The following SERGEF variants were observed in gnomAD, a reference collection of about 807,000 sequenced individuals.
SERGEF encodes secretion regulating guanine nucleotide exchange factor, also known as secretion-regulating guanine nucleotide exchange factor.
In SERGEF, 51 loss-of-function variants were observed where a neutral mutation model predicts 50.0. That is an observed-to-expected ratio of 1.02 (90% CI 0.81 to 1.29). SERGEF has a LOEUF of 1.29. Ranked by LOEUF, SERGEF falls within the 50% of genes most tolerant of loss-of-function variation. The pLI is 0.00. For missense variants in SERGEF, 521 were observed against 557.0 expected, an observed-to-expected ratio of 0.94 and a Z score of 0.65; for synonymous variants, 205 against 212.4, an observed-to-expected ratio of 0.97 and a Z score of 0.30.
chr11:17,905,224 G>A lies in SERGEF; in HGVS notation c.1012-26980C>T, dbSNP rs190059243. ...CCACCCTCTGTTTCTCTTCAAAAGC[G>A]AAAGAGATGCTGTACAGAATTTAAA... On this transcript the variant is annotated intron_variant, in intron 9 of 10. Coordinates refer to ENST00000265965, the MANE Select transcript of SERGEF (RefSeq NM_012139.4). Among the ~76,000 whole-genome samples, 36 of 152,278 alleles carry A rather than the reference G, an allele frequency of 2.4e-4. No individual in the cohort carries two copies. In the East Asian group the frequency reaches 5.8e-3, roughly 24 times the overall value.
At chr11:17,906,160 T>C (rs75117737) in intron 9 of SERGEF, among the ~76,000 whole-genome samples, 1,759 of 152,210 alleles carry the variant, frequency 0.012, 30 homozygotes, top group African/African-American at 0.04. Flanking sequence ...GGATGCTACA[T>C]AGTTGGAGCA....
At position 17,925,729 on chromosome 11, in the gene SERGEF, A is replaced by C. The variant is rs183976219; in HGVS notation, c.1011+33741T>G. The stretch of plus-strand genomic sequence containing the variant: ...TGCATTAAAAAAACCATATCTGTTT[A>C]ATAGATACCAAAAATTAAATGTACA... On this transcript the variant is annotated intron_variant, in intron 9 of 10. Transcript: ENST00000265965. Among the ~76,000 whole-genome samples, 7 of 152,304 alleles carry C rather than the reference A, an allele frequency of 4.6e-5. No homozygotes were observed. In the East Asian group the frequency reaches 9.6e-4, roughly 21 times the overall value.
intron 9 of SERGEF, among the ~76,000 whole-genome samples, chr11:17,923,671 T>G (rs1852199819): frequency 6.6e-6 from 1 of 152,172 alleles, no homozygotes; most frequent in Non-Finnish European, 1.5e-5. Flanking sequence ...TGACTGAGAT[T>G]TTGAGTCCTG....
intron 10 of SERGEF, among the ~76,000 whole-genome samples, chr11:17,851,949 T>C (rs1850722928): frequency 6.6e-6 from 1 of 152,174 alleles, no homozygotes; most frequent in Non-Finnish European, 1.5e-5. Flanking sequence ...AAAATAGACC[T>C]GTGATTCAAA....
In SERGEF at chr11:17,801,051, C is replaced by T. The variant is rs1042118004; in HGVS notation, c.1049-12638G>A. 5.9e-5 allele frequency among the ~76,000 whole-genome samples: 9 copies of T among 151,998 alleles called. No individual in the cohort carries two copies. The East Asian group carries it at 7.8e-4, about 13-fold the overall frequency. On this transcript the variant is annotated intron_variant, in intron 10 of 10. Transcript: ENST00000265965. ...TCTACTAAAAATACAAAAAATTAGC[C>T]GGGCGTGGTGGTGGGCGCCTGTAGT...
intron 10 of SERGEF, among the ~76,000 whole-genome samples, chr11:17,843,224 A>G (rs1287076242): frequency 6.6e-6 from 1 of 152,084 alleles, no homozygotes; most frequent in Non-Finnish European, 1.5e-5. Flanking sequence ...GGAGATGACA[A>G]TGAACTATAT....
rs1451038094 is a variant in SERGEF at position 17,815,201 on chromosome 11, A to ACC, written c.1049-26789_1049-26788insGG. 2.0e-3 allele frequency among the ~76,000 whole-genome samples: 297 copies of ACC among 151,174 alleles called. 2 individuals carry two copies. Among genetic ancestry groups the ACC allele is most frequent in the African/African-American group, 6.8e-3 (281 of 41,198 alleles). ...GATCCATCTCTTAAGAAAACAAAAA[A>ACC]CAAAAATTACAGTCTTTAGGTTATG... On this transcript the variant is annotated intron_variant, in intron 10 of 10. Transcript: ENST00000265965.
At chr11:17,954,060 C>A (rs147059198) in intron 9 of SERGEF, among the ~76,000 whole-genome samples, 2 of 152,150 alleles carry the variant, frequency 1.3e-5, no homozygotes, top group Non-Finnish European at 2.9e-5. Flanking sequence ...AACACTGGAC[C>A]CTGCTACAAC....
At chr11:17,852,935 A>G (rs1232265453) in intron 10 of SERGEF, among the ~76,000 whole-genome samples, 1 of 152,196 alleles carries the variant, frequency 6.6e-6, no homozygotes, top group African/African-American at 2.4e-5. Flanking sequence ...CATGAGAACT[A>G]TCAGAGAAAG....
At chr11:17,837,365 C>G (rs1850419076) in intron 10 of SERGEF, among the ~76,000 whole-genome samples, 1 of 151,892 alleles carries the variant, frequency 6.6e-6, no homozygotes, top group African/African-American at 2.4e-5. Flanking sequence ...AGGTACAGGC[C>G]TGAAGTGTGA....
intron 9 of SERGEF, among the ~76,000 whole-genome samples, chr11:17,914,542 C>T (rs1440469251): frequency 6.6e-6 from 1 of 152,162 alleles, no homozygotes; most frequent in African/African-American, 2.4e-5. Context: ...CCTCAGCCTT[C>T]TGAGTAGCTG....
intron 10 of SERGEF, among the ~76,000 whole-genome samples, chr11:17,823,370 G>A (rs1340064726): frequency 2.0e-5 from 3 of 152,116 alleles, no homozygotes; most frequent in Non-Finnish European, 2.9e-5. Flanking sequence ...TTTCTCCACT[G>A]TAAGGCTATT....
chr11:17,846,155 G>A (rs559558737), intron 10 of SERGEF, among the ~76,000 whole-genome samples: 7 of 152,310 alleles, frequency 4.6e-5, no homozygotes, highest in African/African-American at 1.7e-4. Flanking sequence ...GGTTGGTGGT[G>A]CCAGCAGCTC....
intron 8 of SERGEF, among the ~76,000 whole-genome samples, chr11:17,979,473 G>A (rs1853447925): frequency 6.6e-6 from 1 of 152,150 alleles, no homozygotes; most frequent in African/African-American, 2.4e-5. Context: ...ACCAAATAGT[G>A]GGGAAGACAC....
Position 17,802,297 on chromosome 11 carries a change from A to G in SERGEF, c.1049-13884T>C, listed in dbSNP as rs530525259. 5.3e-5 allele frequency among the ~76,000 whole-genome samples: 8 copies of G among 152,296 alleles called. No homozygotes were observed. The South Asian group carries it at 1.7e-3, about 32-fold the overall frequency. On this transcript the variant is annotated intron_variant, in intron 10 of 10. Coordinates refer to ENST00000265965, the MANE Select transcript of SERGEF (RefSeq NM_012139.4). ...ACCCTTAAACATTGGTTCTAAGAAT[A>G]AATACACAAATGAAGATAAGGAAGC...
intron 8 of SERGEF, among the ~76,000 whole-genome samples, chr11:17,962,190 C>T (rs1254231301): frequency 6.6e-6 from 1 of 152,122 alleles, no homozygotes; most frequent in Non-Finnish European, 1.5e-5. Flanking sequence ...TTGAGGAAGA[C>T]GAAAACCCAG....
chr11:17,805,012 A>C (rs1849731780), intron 10 of SERGEF, among the ~76,000 whole-genome samples: 1 of 152,248 alleles, frequency 6.6e-6, no homozygotes, highest in South Asian at 2.1e-4. Flanking sequence ...TTCATAACAA[A>C]AAAAGTTTGG....
intron 9 of SERGEF, among the ~76,000 whole-genome samples, chr11:17,930,960 C>T (rs922123833): frequency 4.6e-5 from 7 of 152,234 alleles, no homozygotes; most frequent in Middle Eastern, 3.4e-3. Flanking sequence ...CTCTCAATTA[C>T]ACTGCAGAAA....
chr11:17,995,382 C>A (rs979444377), intron 6 of SERGEF, among the ~76,000 whole-genome samples: 3 of 152,200 alleles, frequency 2.0e-5, no homozygotes, highest in Admixed American at 6.5e-5. Flanking sequence ...ATCCTCATGT[C>A]CTCTTGGTCA....
Sources: gnomAD v4.1 joint callset for allele counts (sites outside exome capture counted in the v4.1 genomes callset) on GRCh38, gnomAD v4.1.1 for gene constraint, MANE v1.5 for transcripts, NCBI Gene and HGNC (gene_info 2026-07-23, HGNC 2026-07-21) for gene names.